Variants in EVL observed in about 807,000 individuals in gnomAD.
EVL encodes Enah/Vasp-like, also known as ena/VASP-like protein.
In EVL, 21 loss-of-function variants were observed where a neutral mutation model predicts 59.6. The observed-to-expected ratio is 0.35, with a 90% CI of 0.25 to 0.51. The LOEUF is 0.51. Among genes scored for constraint, EVL ranks in the 20% least tolerant of loss-of-function variants. EVL has a pLI of 0.97. For missense variants in EVL, 462 were observed against 546.6 expected, an observed-to-expected ratio of 0.85 and a Z score of 1.54; for synonymous variants, 198 against 203.5, an observed-to-expected ratio of 0.97 and a Z score of 0.23.
chr14:100,016,877 C>T (rs886876263), intron 1 of EVL, among the ~76,000 whole-genome samples: 6 of 152,172 alleles, frequency 3.9e-5, no homozygotes, highest in African/African-American at 1.2e-4. Flanking sequence ...TCTTGCTTGG[C>T]CATGAAATTT....
At chr14:100,001,359 A>C (rs2060945307) in intron 1 of EVL, among the ~76,000 whole-genome samples, 3 of 152,380 alleles carry the variant, frequency 2.0e-5, no homozygotes, top group Admixed American at 2.0e-4. Context: ...AACTATAGAA[A>C]ATAATAAAAA....
At chr14:100,043,181 T>C (rs1212416606) in intron 1 of EVL, among the ~76,000 whole-genome samples, 1 of 152,116 alleles carries the variant, frequency 6.6e-6, no homozygotes, top group Non-Finnish European at 1.5e-5. Context: ...CCCCTCTGTA[T>C]TAATCAGGAT....
In EVL at chr14:99,994,597, CTTT is replaced by C. The variant is rs2060900252; in HGVS notation, c.5+22544_5+22546del. ...TTATGTTATTGATAATACAAATTACCTTTTTTATTTCATATCCATTAACAGACT... is the reference window on the plus strand; with the variant it reads ...TTATGTTATTGATAATACAAATTACCTTTATTTCATATCCATTAACAGACT... On this transcript the variant is annotated intron_variant, in intron 1 of 13. Coordinates refer to the EVL transcript ENST00000402714. 2.6e-5 allele frequency among the ~76,000 whole-genome samples: 4 copies of C among 152,170 alleles called. No homozygotes were observed. In the South Asian group the frequency reaches 8.3e-4, roughly 32 times the overall value.
At chr14:100,138,233 A>T (rs577579006) in intron 11 of EVL, 1 of 234,426 alleles carries the variant, frequency 4.3e-6, no homozygotes, top group Admixed American at 5.1e-5. Flanking sequence ...CCAGGGCTGC[A>T]CCCTACAGTT....
At chr14:100,111,796 C>T (rs1168764586) in intron 3 of EVL, among the ~76,000 whole-genome samples, 1 of 152,216 alleles carries the variant, frequency 6.6e-6, no homozygotes, top group East Asian at 1.9e-4. Context: ...AACAAAGGCT[C>T]ACAGTGCTAA....
At position 100,108,107 on chromosome 14, in the gene EVL, C is replaced by T. The variant is rs960260690; in HGVS notation, c.358+10449C>T. ...AATAAATGTTTTCCCAGTTTTTCAA[C>T]CTCTTATGTCCTTCATTGATGCCCA... On this transcript the variant is annotated intron_variant, in intron 3 of 13. Coordinates refer to ENST00000392920, the MANE Select transcript of EVL (RefSeq NM_016337.3). This position sits in a 1 kb window ranked among gnomAD's most constrained non-coding sequence, Gnocchi z 4.1. The T allele has an allele frequency of 3.9e-5, 6 of 152,134 alleles. No homozygotes were observed. The highest frequency in any genetic ancestry group is 2.1e-4 in the South Asian group (1 of 4,826). 9.4% of individuals were successfully genotyped at this position (152,134 alleles called of 1,614,324 possible).
chr14:100,005,670 C>CA (rs3220604), intron 1 of EVL, among the ~76,000 whole-genome samples: 2 of 149,012 alleles, frequency 1.3e-5, no homozygotes, highest in African/African-American at 2.5e-5. Flanking sequence ...CACACACACA[C>CA]CCCTTGGATG....
intron 1 of EVL, among the ~76,000 whole-genome samples, chr14:100,041,012 G>C (rs1353802245): frequency 6.6e-6 from 1 of 151,972 alleles, no homozygotes; most frequent in East Asian, 1.9e-4. Flanking sequence ...CCCCAATTCC[G>C]GGTCAGTCAA....
chr14:100,121,195 C>A (rs1887675780), intron 3 of EVL, among the ~76,000 whole-genome samples: 1 of 152,192 alleles, frequency 6.6e-6, no homozygotes, highest in Non-Finnish European at 1.5e-5. Context: ...CTTAGCTACT[C>A]CTCCCACTGA....
intron 1 of EVL, among the ~76,000 whole-genome samples, chr14:100,075,546 T>C (rs912026183): frequency 2.6e-5 from 4 of 152,190 alleles, no homozygotes; most frequent in African/African-American, 9.7e-5. Context: ...TCACCCCTTA[T>C]TAACACACTT....
At chr14:100,078,864 A>T (rs1314693247) in intron 1 of EVL, among the ~76,000 whole-genome samples, 1 of 152,176 alleles carries the variant, frequency 6.6e-6, no homozygotes, top group Non-Finnish European at 1.5e-5. Flanking sequence ...GGAAGAAAAA[A>T]TTGGCCCTCA....
intron 3 of EVL, among the ~76,000 whole-genome samples, chr14:100,115,507 C>T (rs1488488645): frequency 6.6e-6 from 1 of 152,224 alleles, no homozygotes; most frequent in Non-Finnish European, 1.5e-5. Context: ...CTGGTCAGTC[C>T]CCCACTCTCT....
chr14:100,104,405 T>C (rs1886428675), intron 3 of EVL, among the ~76,000 whole-genome samples: 1 of 152,236 alleles, frequency 6.6e-6, no homozygotes, highest in Admixed American at 6.5e-5. Context: ...TTTTCTCATA[T>C]TGGATTAATT....
chr14:100,045,209 G>GC (rs2061529144), intron 1 of EVL, among the ~76,000 whole-genome samples: 1 of 152,112 alleles, frequency 6.6e-6, no homozygotes, highest in South Asian at 2.1e-4. Context: ...AGTGTGTGAT[G>GC]TTTTCTGGAA....
At chr14:100,094,927 G>A (rs1885698214) in intron 2 of EVL, among the ~76,000 whole-genome samples, 1 of 151,870 alleles carries the variant, frequency 6.6e-6, no homozygotes, top group African/African-American at 2.4e-5. Context: ...TATAGTTCCA[G>A]CTACTCTGGA....
At chr14:100,077,538 G>A (rs982309382) in intron 1 of EVL, among the ~76,000 whole-genome samples, 1 of 152,218 alleles carries the variant, frequency 6.6e-6, no homozygotes, top group Non-Finnish European at 1.5e-5. Flanking sequence ...ATTTATCAGT[G>A]TATTGGTGCT....
At position 99,972,416 on chromosome 14, in the gene EVL, G is replaced by C. The variant is rs927071389; in HGVS notation, c.5+359G>C. Among the ~76,000 whole-genome samples the C allele has an allele frequency of 4.6e-5, 7 of 152,112 alleles. No homozygotes were observed. The highest frequency in any genetic ancestry group is 1.4e-4 in the African/African-American group (6 of 41,446). On this transcript the variant is annotated intron_variant, in intron 1 of 13. Coordinates refer to the EVL transcript ENST00000402714. The surrounding 1 kb of genome is among the most constrained non-coding windows in gnomAD (Gnocchi z 4.4). ...AGGTGTGGCCGTGTCCCGACCGCGC[G>C]AGGACCGAAGTTGGCGGAAGCCCCT...
intron 1 of EVL, among the ~76,000 whole-genome samples, chr14:99,980,459 G>T (rs987226090): frequency 2.6e-5 from 4 of 152,204 alleles, no homozygotes; most frequent in African/African-American, 9.7e-5. Context: ...GGCATGGCCA[G>T]TCCAGCCTGT....
chr14:100,078,661 C>T (rs2062221189), intron 1 of EVL, among the ~76,000 whole-genome samples: 1 of 152,096 alleles, frequency 6.6e-6, no homozygotes, highest in Admixed American at 6.5e-5. Context: ...GAGTGAAGTC[C>T]AGTCGTATCA....
Sources: gnomAD v4.1 joint callset for allele counts (sites outside exome capture counted in the v4.1 genomes callset) on GRCh38, gnomAD v4.1.1 for gene constraint, Gnocchi (gnomAD v3.1) non-coding constraint, MANE v1.5 for transcripts, NCBI Gene and HGNC (gene_info 2026-07-23, HGNC 2026-07-21) for gene names.